The following FAM53B variants were observed in gnomAD, a reference collection of about 807,000 sequenced individuals.
FAM53B encodes the protein family with sequence similarity 53 member B, also known as protein FAM53B.
Under a neutral mutation model 32.7 loss-of-function variants are expected in FAM53B, and 12 were observed. The ratio of observed to expected loss-of-function variants is 0.37; its 90% CI spans 0.24 to 0.59. The LOEUF is 0.59. FAM53B is among the 20% of genes least tolerant of loss of function. The pLI is 0.72. For synonymous variants in FAM53B, 234 were observed against 228.7 expected (o/e 1.02, Z -0.21); for missense variants, 477 against 577.7 (o/e 0.83, Z 1.79).
intron 2 of FAM53B, among the ~76,000 whole-genome samples, chr10:124,698,341 G>A (rs1949888915): frequency 6.6e-6 from 1 of 152,110 alleles, no homozygotes; most frequent in African/African-American, 2.4e-5. Context: ...GAGGGCTTGG[G>A]GCTTTCCACA....
chr10:124,739,976 G>A (rs1435137781), intron 1 of FAM53B, among the ~76,000 whole-genome samples: 3 of 151,648 alleles, frequency 2.0e-5, no homozygotes, highest in African/African-American at 7.3e-5. Context: ...CAAAAAAAAC[G>A]ACAAGAAAAA....
rs1949962510 is a variant in FAM53B at position 124,706,826 on chromosome 10, C to T, written c.-113G>A. The T allele has an allele frequency of 3.2e-6, 5 of 1,561,806 alleles. No homozygotes were observed. Among genetic ancestry groups the T allele is most frequent in the Non-Finnish European group, 4.3e-6 (5 of 1,153,168 alleles). ...AATTGATGTCAGCAGAAACAGCTCC[C>T]CATTGGCCACTCACCCTTGGGGTGG... On this transcript the variant is annotated 5_prime_UTR_variant, in exon 2 of 5. Transcript: ENST00000337318.
chr10:124,623,092 A>G lies in FAM53B; in HGVS notation c.*150T>C, dbSNP rs1340169479. ...GGCCAGGCCAGGCTCTCCCCCAGGC[A>G]GCAGGTGGGCTCCCTCTCTGGGACC... On this transcript the variant is annotated 3_prime_UTR_variant, in exon 5 of 5. Transcript: ENST00000337318. 11 of 1,030,126 alleles carry G rather than the reference A, an allele frequency of 1.1e-5. No homozygotes were observed. Among genetic ancestry groups the G allele is most frequent in the Non-Finnish European group, 2.8e-6 (2 of 715,468 alleles). 63.8% of individuals were successfully genotyped at this position (1,030,126 alleles called of 1,614,324 possible). A position where few individuals can be genotyped will look rare whatever the true frequency, so the allele number is the denominator to read the frequency against.
At chr10:124,676,683 A>G (rs907763302) in intron 4 of FAM53B, among the ~76,000 whole-genome samples, 1 of 152,168 alleles carries the variant, frequency 6.6e-6, no homozygotes, top group African/African-American at 2.4e-5. Context: ...GAGCATACGC[A>G]CAAGCTCTCC....
intron 4 of FAM53B, among the ~76,000 whole-genome samples, chr10:124,627,759 C>A (rs1233574023): frequency 1.3e-5 from 2 of 152,188 alleles, no homozygotes; most frequent in Non-Finnish European, 2.9e-5. Context: ...CAAAGAGGCC[C>A]TGGCCATTCC....
chr10:124,707,661 C>A (rs1250551718), intron 1 of FAM53B, among the ~76,000 whole-genome samples: 1 of 152,180 alleles, frequency 6.6e-6, no homozygotes, highest in Non-Finnish European at 1.5e-5. Context: ...ATCGCTTGAA[C>A]CTGGGAGGCA....
At chr10:124,684,875 G>A (rs1476750624) in intron 3 of FAM53B, among the ~76,000 whole-genome samples, 3 of 152,102 alleles carry the variant, frequency 2.0e-5, no homozygotes, top group African/African-American at 7.2e-5. Context: ...AACTATCCCA[G>A]TTATCTGATT....
chr10:124,723,742 C>G (rs2134097258), intron 1 of FAM53B, among the ~76,000 whole-genome samples: 1 of 152,366 alleles, frequency 6.6e-6, no homozygotes, highest in African/African-American at 2.4e-5. Context: ...CAGCCCAGGC[C>G]TCTGCAGGAA....
chr10:124,670,593 G>C (rs954892280), intron 4 of FAM53B, among the ~76,000 whole-genome samples: 1 of 152,022 alleles, frequency 6.6e-6, no homozygotes, highest in African/African-American at 2.4e-5. Flanking sequence ...CCGCAGCCTC[G>C]CCATGCCCTG....
chr10:124,642,715 C>G (rs1212298501), intron 4 of FAM53B, among the ~76,000 whole-genome samples: 1 of 152,134 alleles, frequency 6.6e-6, no homozygotes, highest in Non-Finnish European at 1.5e-5. Flanking sequence ...AAAGGGTGGC[C>G]TTCTCTTCTT....
chr10:124,721,529 G>A (rs1950068504), intron 1 of FAM53B, among the ~76,000 whole-genome samples: 1 of 152,186 alleles, frequency 6.6e-6, no homozygotes, highest in East Asian at 1.9e-4. Flanking sequence ...CCCAAGCGAC[G>A]CCAACCACAC....
At chr10:124,675,996 C>A (rs1346482064) in intron 4 of FAM53B, among the ~76,000 whole-genome samples, 1 of 152,214 alleles carries the variant, frequency 6.6e-6, no homozygotes, top group Admixed American at 6.5e-5. Flanking sequence ...GAAAAGGCTG[C>A]CGTGATTGAT....
intron 2 of FAM53B, among the ~76,000 whole-genome samples, chr10:124,698,658 T>C (rs1949891528): frequency 1.3e-5 from 2 of 152,058 alleles, no homozygotes; most frequent in South Asian, 4.1e-4. Flanking sequence ...ATTTCTAACC[T>C]GGAAAACTGA....
At chr10:124,690,206 C>G (rs951989023) in intron 3 of FAM53B, among the ~76,000 whole-genome samples, 1 of 152,266 alleles carries the variant, frequency 6.6e-6, no homozygotes, top group African/African-American at 2.4e-5. Context: ...AATCAGCTAA[C>G]ACTCCAATAG....
intron 1 of FAM53B, among the ~76,000 whole-genome samples, chr10:124,712,361 A>G (rs997208276): frequency 1.3e-5 from 2 of 152,166 alleles, no homozygotes; most frequent in Non-Finnish European, 2.9e-5. Flanking sequence ...GTCTCAAAAA[A>G]TAATTATTAT....
chr10:124,714,649 C>T (rs1323883670), intron 1 of FAM53B, among the ~76,000 whole-genome samples: 3 of 150,306 alleles, frequency 2.0e-5, no homozygotes, highest in African/African-American at 7.4e-5. Context: ...GTCCCAGCTA[C>T]TCGGGAGGCT....
intron 4 of FAM53B, among the ~76,000 whole-genome samples, chr10:124,640,996 CAT>C (rs1007514059): frequency 1.9e-4 from 29 of 152,342 alleles, no homozygotes; most frequent in African/African-American, 6.7e-4. Context: ...TCCTCTGGAG[CAT>C]ACCCCGCCTA....
intron 1 of FAM53B, among the ~76,000 whole-genome samples, chr10:124,726,930 T>C (rs1212638446): frequency 6.6e-6 from 1 of 152,236 alleles, no homozygotes; most frequent in African/African-American, 2.4e-5. Flanking sequence ...CTAGGCTGCC[T>C]GTCATGAGAA....
intron 1 of FAM53B, among the ~76,000 whole-genome samples, chr10:124,738,611 G>A (rs1469161324): frequency 1.3e-5 from 2 of 151,580 alleles, no homozygotes; most frequent in Non-Finnish European, 2.9e-5. Flanking sequence ...CCATCTGTCT[G>A]AGACAGAATG....
Sources: gnomAD v4.1 joint callset for allele counts (sites outside exome capture counted in the v4.1 genomes callset) on GRCh38, gnomAD v4.1.1 for gene constraint, MANE v1.5 for transcripts, NCBI Gene and HGNC (gene_info 2026-07-23, HGNC 2026-07-21) for gene names.